Variants in RGS7 observed in about 807,000 individuals in gnomAD.
RGS7 encodes regulator of G-protein signaling 7.
In RGS7, 27 loss-of-function variants were observed where a neutral mutation model predicts 81.1. That is an observed-to-expected ratio of 0.33 (90% CI 0.25 to 0.46). The LOEUF (loss-of-function observed/expected upper bound fraction) is 0.46. Ranked by LOEUF, RGS7 falls within the 20% of genes least tolerant of loss-of-function variation. The pLI is 1.00. For synonymous variants in RGS7, 208 were observed against 207.7 expected, an observed-to-expected ratio of 1.00 and a Z score of -0.01; for missense variants, 396 against 607.4, an observed-to-expected ratio of 0.65 and a Z score of 3.66.
chr1:240,935,532 T>C (rs889574576), intron 5 of RGS7, among the ~76,000 whole-genome samples: 14 of 152,208 alleles, frequency 9.2e-5, no homozygotes, highest in African/African-American at 3.1e-4. Context: ...ACAGCTTTAT[T>C]TCCTCCTAGC....
intron 2 of RGS7, among the ~76,000 whole-genome samples, chr1:241,116,529 A>G (rs952139989): frequency 1.3e-5 from 2 of 152,132 alleles, no homozygotes; most frequent in Non-Finnish European, 2.9e-5. Context: ...GGCTTTCCTT[A>G]ATGCCTATCT....
chr1:241,139,044 A>G (rs2103074711), intron 2 of RGS7, among the ~76,000 whole-genome samples: 1 of 152,218 alleles, frequency 6.6e-6, no homozygotes, highest in South Asian at 2.1e-4. Flanking sequence ...ATTTCATATA[A>G]ATGGAACCAC....
At chr1:241,336,979 A>C (rs772324575) in intron 2 of RGS7, among the ~76,000 whole-genome samples, 1 of 152,132 alleles carries the variant, frequency 6.6e-6, no homozygotes, top group Non-Finnish European at 1.5e-5. Context: ...CCCAGTAGGG[A>C]AGTAGCTTGG....
At chr1:240,992,015 A>G (rs939425404) in intron 3 of RGS7, among the ~76,000 whole-genome samples, 2 of 152,200 alleles carry the variant, frequency 1.3e-5, no homozygotes, top group East Asian at 1.9e-4. Context: ...GACCTCATCA[A>G]TCTAGTCCAG....
At chr1:241,080,098 A>C (rs1290446816) in intron 3 of RGS7, among the ~76,000 whole-genome samples, 1 of 152,164 alleles carries the variant, frequency 6.6e-6, no homozygotes, top group Non-Finnish European at 1.5e-5. Flanking sequence ...GCATCCAATG[A>C]GTATTGACAT....
intron 9 of RGS7, among the ~76,000 whole-genome samples, chr1:240,842,566 G>A (rs1218429507): frequency 1.3e-5 from 2 of 152,034 alleles, no homozygotes; most frequent in East Asian, 3.9e-4. Flanking sequence ...AAAGCAAAAA[G>A]CTAATAAATT....
At chr1:240,786,316 G>A (rs891768640) in intron 18 of RGS7, among the ~76,000 whole-genome samples, 1 of 151,966 alleles carries the variant, frequency 6.6e-6, no homozygotes, top group African/African-American at 2.4e-5. Flanking sequence ...ACTGTGCATG[G>A]TACTATGTCA....
chr1:241,091,598 A>AAATAAAT (rs1558705145), intron 3 of RGS7, among the ~76,000 whole-genome samples: 17 of 145,140 alleles, frequency 1.2e-4, no homozygotes, highest in Non-Finnish European at 2.6e-4. Flanking sequence ...AATAAATAAA[A>AAATAAAT]AAGCTGGCCG....
chr1:241,150,139 G>C (rs57906306), intron 2 of RGS7, among the ~76,000 whole-genome samples: 4 of 152,110 alleles, frequency 2.6e-5, no homozygotes, highest in African/African-American at 9.7e-5. Context: ...TGGCTGCAAC[G>C]TATTTGAGCA....
intron 2 of RGS7, among the ~76,000 whole-genome samples, chr1:241,125,845 T>A (rs1225866389): frequency 6.6e-6 from 1 of 152,188 alleles, no homozygotes; most frequent in Non-Finnish European, 1.5e-5. Context: ...TCTTATTTCC[T>A]CTTAGGAACT....
At chr1:240,864,017 C>T (rs910341907) in intron 9 of RGS7, among the ~76,000 whole-genome samples, 2 of 152,120 alleles carry the variant, frequency 1.3e-5, no homozygotes, top group East Asian at 1.9e-4. Context: ...GCTCTCCCAC[C>T]GCTAGCTCTG....
At chr1:241,130,519 T>C (rs992509063) in intron 2 of RGS7, among the ~76,000 whole-genome samples, 1 of 152,064 alleles carries the variant, frequency 6.6e-6, no homozygotes, top group African/African-American at 2.4e-5. Flanking sequence ...ACAAATCCTT[T>C]AGGTAGCTTT....
Position 240,814,724 on chromosome 1 carries a change from G to A in RGS7, c.837C>T (p.Val279=), listed in dbSNP as rs759233309. The A allele has an allele frequency of 9.4e-6, 15 of 1,592,250 alleles. No individual in the cohort carries two copies. The highest frequency in any genetic ancestry group is 4.5e-5 in the East Asian group (2 of 44,722). Reference sequence around the variant, plus strand: ...CACTTTGAAATACTCACCTGTCAGCGACTTTTGACATTTTTAACCGATGTC... The same window carrying A: ...CACTTTGAAATACTCACCTGTCAGCAACTTTTGACATTTTTAACCGATGTC... The part of the protein sequence containing the change: ...LDRHRLKMSK[V]ADSLLSYTEQ... Residue 279 remains valine (V), a synonymous_variant, in exon 12 of 19, where the codon GTC becomes GTT. Transcript: ENST00000440928.
intron 2 of RGS7, among the ~76,000 whole-genome samples, chr1:241,249,914 CT>C (rs1456468820): frequency 6.6e-6 from 1 of 152,006 alleles, no homozygotes; most frequent in Non-Finnish European, 1.5e-5. Flanking sequence ...AATGAATTGA[CT>C]CATAAACATA....
At chr1:241,272,192 A>C (rs146208506) in intron 2 of RGS7, among the ~76,000 whole-genome samples, 2,034 of 151,878 alleles carry the variant, frequency 0.013, 45 homozygotes, top group African/African-American at 0.047. Flanking sequence ...ATGGGGTTTC[A>C]CCGTGTTAGC....
intron 3 of RGS7, among the ~76,000 whole-genome samples, chr1:241,069,950 T>C (rs2062330951): frequency 6.6e-6 from 1 of 152,222 alleles, no homozygotes; most frequent in African/African-American, 2.4e-5. Flanking sequence ...ATTGGTATCC[T>C]CATTTTACTG....
intron 3 of RGS7, among the ~76,000 whole-genome samples, chr1:240,986,350 T>C (rs1488588917): frequency 1.3e-5 from 2 of 152,224 alleles, no homozygotes; most frequent in Admixed American, 6.5e-5. Context: ...TGCTCTTCTA[T>C]CTTCATCTCT....
intron 2 of RGS7, among the ~76,000 whole-genome samples, chr1:241,182,370 A>C (rs1406636231): frequency 6.6e-6 from 1 of 152,184 alleles, no homozygotes; most frequent in Non-Finnish European, 1.5e-5. Flanking sequence ...AAAAATGGAG[A>C]CAGTATGCAC....
intron 9 of RGS7, among the ~76,000 whole-genome samples, chr1:240,828,452 T>C (rs952924357): frequency 6.6e-6 from 1 of 152,226 alleles, no homozygotes; most frequent in Non-Finnish European, 1.5e-5. Context: ...ATGGACTGTG[T>C]TTCCTTTACT....
Sources: gnomAD v4.1 joint callset for allele counts (sites outside exome capture counted in the v4.1 genomes callset) on GRCh38, gnomAD v4.1.1 for gene constraint, MANE v1.5 for transcripts, NCBI Gene and HGNC (gene_info 2026-07-23, HGNC 2026-07-21) for gene names.